Variants in MYL4 observed in about 807,000 individuals in gnomAD.
The protein encoded by MYL4 is atrial myosin light chain 1.
In MYL4, 16 loss-of-function variants were observed where a neutral mutation model predicts 21.6. The observed-to-expected ratio is 0.74, with a 90% CI of 0.50 to 1.12. The LOEUF is 1.12. Among genes scored for constraint, MYL4 ranks in the 50% most tolerant of loss-of-function variants. MYL4 has a pLI of 0.00. For missense variants in MYL4, 249 were observed against 252.9 expected (o/e 0.98, Z 0.11); for synonymous variants, 82 against 95.7 (o/e 0.86, Z 0.83).
At position 47,209,525 on chromosome 17, in the gene MYL4, A is replaced by T; in HGVS notation, c.103A>T (p.Lys35Ter). Residue 35 changes from lysine to a stop codon, truncating the protein, a stop_gained, in exon 1 of 7, where the codon AAG becomes TAG. Transcript: ENST00000393450. LOFTEE classifies it high-confidence loss of function. ...CCCTGCCCCAGCTCCTGAGGCTCCC[A>T]AGGAACCTGCCTTTGACCCCAAGAG... is the stretch of plus-strand genomic sequence containing the variant. Reference protein sequence around the residue: ...PAPAPAPEAPKEPAFDPKSVK... With the variant: ...PAPAPAPEAP The T allele has an allele frequency of 6.2e-7, 1 of 1,614,144 alleles. No homozygotes were observed. The highest frequency in any genetic ancestry group is 8.5e-7 in the Non-Finnish European group (1 of 1,180,006).
upstream of MYL4, among the ~76,000 whole-genome samples, chr17:47,207,826 A>G (rs1247404021): frequency 6.6e-6 from 1 of 152,212 alleles, no homozygotes; most frequent in East Asian, 1.9e-4. Context: ...ACAGGAAGTG[A>G]AAAAAGTAAA....
upstream of MYL4, chr17:47,209,059 C>T: frequency 2.7e-6 from 1 of 364,706 alleles, no homozygotes; most frequent in South Asian, 2.7e-5. Context: ...CAAGTCAGCT[C>T]ATCTCTCTGG....
At chr17:47,204,162 GT>G (rs1416486623), upstream of MYL4, among the ~76,000 whole-genome samples, 1 of 152,200 alleles carries the variant, frequency 6.6e-6, no homozygotes, top group Non-Finnish European at 1.5e-5. Context: ...GAGTAGCACC[GT>G]TTGTCATAAG....
the MYL4 span, among the ~76,000 whole-genome samples, chr17:47,191,590 C>T: frequency 2.0e-5 from 3 of 152,112 alleles, no homozygotes; most frequent in Admixed American, 6.5e-5. Flanking sequence ...CCTGTCTCAA[C>T]GTCCCGAGTA....
At chr17:47,201,356 T>C (rs2064708817) in intron 1 of MYL4, among the ~76,000 whole-genome samples, 1 of 152,204 alleles carries the variant, frequency 6.6e-6, no homozygotes, top group African/African-American at 2.4e-5. Flanking sequence ...GAAGGATTCT[T>C]ATATACAGAG....
intron 2 of MYL4, among the ~76,000 whole-genome samples, chr17:47,218,037 A>G (rs889399331): frequency 4.7e-5 from 7 of 149,304 alleles, no homozygotes; most frequent in African/African-American, 1.7e-4. Context: ...GTGAAACTCC[A>G]TCTCAAAAAA....
chr17:47,198,630 C>T (rs750273667), upstream of MYL4, among the ~76,000 whole-genome samples: 9 of 152,136 alleles, frequency 5.9e-5, no homozygotes, highest in Non-Finnish European at 1.0e-4. Context: ...AGAGGCTGAT[C>T]TAGGTTTAAA....
chr17:47,224,354 C>T (rs919858657), downstream of MYL4, among the ~76,000 whole-genome samples: 4 of 152,158 alleles, frequency 2.6e-5, no homozygotes, highest in African/African-American at 9.7e-5. Flanking sequence ...TCTTGTGAGA[C>T]TTATTCACTA....
the MYL4 span, among the ~76,000 whole-genome samples, chr17:47,189,786 A>C: frequency 6.6e-6 from 1 of 152,230 alleles, no homozygotes; most frequent in Non-Finnish European, 1.5e-5. Flanking sequence ...CTCTGGGGGA[A>C]AGCTAAAGAA....
intron 2 of MYL4, among the ~76,000 whole-genome samples, chr17:47,216,695 C>CTTTTTTT (rs200874260): frequency 2.8e-5 from 4 of 141,868 alleles, no homozygotes; most frequent in Admixed American, 6.9e-5. Flanking sequence ...TTTTCTTTTT[C>CTTTTTTT]TTTCTTTTTT....
chr17:47,225,060 C>A (rs1457467656), downstream of MYL4, among the ~76,000 whole-genome samples: 1 of 152,168 alleles, frequency 6.6e-6, no homozygotes, highest in African/African-American at 2.4e-5. Context: ...CCTGAGGACT[C>A]CCCAAGGTGA....
chr17:47,189,534 G>A, the MYL4 span: 4 of 361,886 alleles, frequency 1.1e-5, no homozygotes, highest in Non-Finnish European at 2.1e-5. Flanking sequence ...GCCGTCCCAG[G>A]GTTGGGCTAC....
chr17:47,214,290 T>A (rs2064798376), intron 2 of MYL4, among the ~76,000 whole-genome samples: 1 of 152,166 alleles, frequency 6.6e-6, no homozygotes, highest in Non-Finnish European at 1.5e-5. Context: ...TCATTTCTGT[T>A]CCCATTATTG....
chr17:47,209,595 G>A (rs747691694), intron 1 of MYL4, 38 bp downstream of exon 1: 11 of 1,614,206 alleles, frequency 6.8e-6, no homozygotes, highest in East Asian at 2.2e-5. Context: ...AGGTGGGGAT[G>A]ACATTGAGAG....
chr17:47,215,456 T>C (rs2064806615), intron 2 of MYL4, among the ~76,000 whole-genome samples: 1 of 152,194 alleles, frequency 6.6e-6, no homozygotes. Context: ...TTCCTTTAAT[T>C]TTACCCCAGC....
At chr17:47,201,477 G>T (rs113162921) in intron 1 of MYL4, among the ~76,000 whole-genome samples, 2,382 of 150,030 alleles carry the variant, frequency 0.016, 50 homozygotes, top group African/African-American at 0.055. Context: ...CTTTTTTGAG[G>T]CGGAGTTTTG....
chr17:47,190,653 A>C, the MYL4 span, among the ~76,000 whole-genome samples: 1 of 152,316 alleles, frequency 6.6e-6, no homozygotes, highest in African/African-American at 2.4e-5. Flanking sequence ...TAGCCCCTAA[A>C]GGGCAGGTGC....
At chr17:47,207,257 G>A (rs1047668803), upstream of MYL4, among the ~76,000 whole-genome samples, 1 of 152,172 alleles carries the variant, frequency 6.6e-6, no homozygotes, top group Non-Finnish European at 1.5e-5. Flanking sequence ...CCACCAGTGA[G>A]CGTGTATAGG....
At position 47,219,943 on chromosome 17, in the gene MYL4, C is replaced by T. The variant is rs1008853280; in HGVS notation, c.203C>T (p.Thr68Ile). 2.4e-5 allele frequency: 39 copies of T among 1,614,086 alleles called. No individual in the cohort carries two copies. Among genetic ancestry groups the T allele is most frequent in the Non-Finnish European group, 3.1e-5 (37 of 1,180,042 alleles). The stretch of plus-strand genomic sequence containing the variant: ...TTTTCATTGTTTGACCGGACCCCGA[C>T]TGGAGAGATGAAGATCACCTACGGC... ...EAFSLFDRTP[T>I]GEMKITYGQC... The change falls in exon 3 of 7, where the codon ACT becomes ATT. Residue 68 changes from threonine (T) to isoleucine (I), a missense_variant. Physicochemically the swap from Thr to Ile is moderately conservative, Grantham distance 89. Coordinates refer to ENST00000393450, the MANE Select transcript of MYL4 (RefSeq NM_002476.2).
Sources: gnomAD v4.1 joint callset for allele counts (sites outside exome capture counted in the v4.1 genomes callset) on GRCh38, gnomAD v4.1.1 for gene constraint, MANE v1.5 for transcripts, NCBI Gene and HGNC (gene_info 2026-07-23, HGNC 2026-07-21) for gene names.